The following NTM variants were observed in gnomAD, a reference collection of about 807,000 sequenced individuals.
NTM encodes the protein IgLON family member 2.
Under a neutral mutation model 42.1 loss-of-function variants are expected in NTM, and 13 were observed. The ratio of observed to expected loss-of-function variants is 0.31; its 90% CI spans 0.20 to 0.49. NTM has a LOEUF of 0.49. Among genes scored for constraint, NTM ranks in the 20% least tolerant of loss-of-function variants. The probability of loss-of-function intolerance (pLI) is 0.99; values close to 1 mark genes in which losing one functional copy is unlikely to be tolerated. For synonymous variants in NTM, 187 were observed against 179.2 expected (o/e 1.04, Z -0.35); for missense variants, 373 against 452.8 (o/e 0.82, Z 1.60).
intron 4 of NTM, among the ~76,000 whole-genome samples, chr11:132,218,763 A>G (rs540678667): frequency 6.6e-6 from 1 of 152,292 alleles, no homozygotes; most frequent in African/African-American, 2.4e-5. Context: ...CTTCTGCTTC[A>G]GGACCAGAAC....
intron 1 of NTM, chr11:131,911,328 G>C: frequency 6.8e-7 from 1 of 1,477,520 alleles, no homozygotes; most frequent in Non-Finnish European, 9.0e-7. Flanking sequence ...ACTCGGAGGA[G>C]TCTGCGCGCT....
intron 3 of NTM, among the ~76,000 whole-genome samples, chr11:132,201,886 A>G (rs778411733): frequency 7.2e-5 from 11 of 152,234 alleles, no homozygotes; most frequent in Non-Finnish European, 1.3e-4. Context: ...CTTCGAGCAC[A>G]TCATTAGCAG....
rs535271684 is a variant in NTM, at chr11:131,551,149, G to A, written c.82+180261G>A. On this transcript the variant is annotated intron_variant, in intron 1 of 8. Coordinates refer to ENST00000683400, the MANE Select transcript of NTM (RefSeq NM_001352005.2). The stretch of plus-strand genomic sequence containing the variant: ...GCCTCTGCAGTAGCAGGGACCACAG[G>A]TGTGACACTGGTCCCAGCTCAGCCC... Among the ~76,000 whole-genome samples the A allele has an allele frequency of 1.2e-3, 186 of 152,336 alleles. 1 individual carries two copies. The highest frequency in any genetic ancestry group is 4.4e-3 in the African/African-American group (183 of 41,584).
chr11:131,820,442 TTAAATATGTATTATGAAA>T, intron 1 of NTM, among the ~76,000 whole-genome samples: 1 of 152,340 alleles, frequency 6.6e-6, no homozygotes, highest in South Asian at 2.1e-4. Context: ...CTTTTCATTT[TTAAATATGTATTATGAAA>T]TAAATATGTA....
chr11:131,434,708 G>T (rs967304517), intron 1 of NTM, among the ~76,000 whole-genome samples: 3 of 152,186 alleles, frequency 2.0e-5, no homozygotes, highest in Non-Finnish European at 2.9e-5. Flanking sequence ...CAGATGGTTA[G>T]ATTGCAAAAA....
intron 3 of NTM, among the ~76,000 whole-genome samples, chr11:132,190,327 A>C (rs1439436508): frequency 6.6e-6 from 1 of 152,180 alleles, no homozygotes; most frequent in Non-Finnish European, 1.5e-5. Context: ...GAGAAGGGGA[A>C]ATTTGAAATG....
chr11:131,448,380 C>T (rs535647563), intron 1 of NTM, among the ~76,000 whole-genome samples: 38 of 152,364 alleles, frequency 2.5e-4, no homozygotes, highest in Non-Finnish European at 4.7e-4. Context: ...CCCACACAGG[C>T]CAGCCTCCTG....
chr11:132,199,722 T>C lies in NTM; in HGVS notation c.401-12300T>C, dbSNP rs183456038. ...AATTCCCAACTTGCCCTTTTTGATA[T>C]AAAGTTCACTTGTAATTTTTTTTTT... On this transcript the variant is annotated intron_variant, in intron 3 of 8. Transcript: ENST00000683400. Among the ~76,000 whole-genome samples the C allele has an allele frequency of 1.4e-3, 215 of 151,668 alleles. 2 individuals are homozygous for C. Among genetic ancestry groups the C allele is most frequent in the Admixed American group, 0.011 (160 of 15,236 alleles).
At chr11:132,316,001 C>A (rs1333247538) in intron 7 of NTM, among the ~76,000 whole-genome samples, 8 of 151,882 alleles carry the variant, frequency 5.3e-5, no homozygotes, top group Admixed American at 4.6e-4. Context: ...AAGGAACAGA[C>A]CCCTCCTTCC....
At chr11:131,399,057 C>G (rs1035327530) in intron 1 of NTM, among the ~76,000 whole-genome samples, 3 of 152,186 alleles carry the variant, frequency 2.0e-5, no homozygotes, top group Admixed American at 2.0e-4. Context: ...AAACAGTGCA[C>G]TTGGAGAGAA....
intron 2 of NTM, among the ~76,000 whole-genome samples, chr11:132,144,595 T>C (rs111383382): frequency 3.9e-4 from 60 of 152,336 alleles, no homozygotes; most frequent in African/African-American, 1.4e-3. Flanking sequence ...GAGATGTTGT[T>C]ATAAATTCCC....
chr11:131,545,893 C>A (rs953572634), intron 1 of NTM, among the ~76,000 whole-genome samples: 1 of 152,112 alleles, frequency 6.6e-6, no homozygotes, highest in Non-Finnish European at 1.5e-5. Flanking sequence ...CATTATCTAA[C>A]CTGGCTGGGA....
intron 1 of NTM, among the ~76,000 whole-genome samples, chr11:131,845,296 A>G (rs2044755345): frequency 6.6e-6 from 1 of 152,196 alleles, no homozygotes; most frequent in South Asian, 2.1e-4. Context: ...TGGCTCAAGG[A>G]GAATACCTCA....
At chr11:131,956,527 A>G (rs995283575) in intron 2 of NTM, among the ~76,000 whole-genome samples, 5 of 151,072 alleles carry the variant, frequency 3.3e-5, no homozygotes, top group African/African-American at 1.2e-4. Flanking sequence ...GCTCTTAAGA[A>G]TGCAGGAAGC....
At chr11:131,404,454 G>A (rs962281171) in intron 1 of NTM, among the ~76,000 whole-genome samples, 1 of 152,062 alleles carries the variant, frequency 6.6e-6, no homozygotes, top group Admixed American at 6.6e-5. Context: ...TCTGTATGCT[G>A]GGTCTGCAAG....
At chr11:131,703,558 A>G (rs2076280888) in intron 1 of NTM, among the ~76,000 whole-genome samples, 1 of 152,230 alleles carries the variant, frequency 6.6e-6, no homozygotes, top group Admixed American at 6.5e-5. Flanking sequence ...ACCAGATGGC[A>G]GAACAGGAAA....
intron 1 of NTM, among the ~76,000 whole-genome samples, chr11:131,618,171 G>A (rs1253334771): frequency 1.3e-5 from 2 of 152,172 alleles, no homozygotes; most frequent in African/African-American, 4.8e-5. Context: ...TATAACTCTG[G>A]TTACAGCAGA....
At chr11:132,324,508 C>A (rs1474059085) in intron 7 of NTM, among the ~76,000 whole-genome samples, 1 of 151,548 alleles carries the variant, frequency 6.6e-6, no homozygotes, top group Non-Finnish European at 1.5e-5. Context: ...AACCACTGCT[C>A]AATGAAATCA....
At position 131,671,560 on chromosome 11, in the gene NTM, A is replaced by G. The variant is rs113295766; in HGVS notation, c.83-240004A>G. 8,120 of 980,584 alleles carry G rather than the reference A, an allele frequency of 8.3e-3. 518 individuals carry two copies. The African/African-American group carries it at 0.14, about 16-fold the overall frequency. 60.7% of individuals were successfully genotyped at this position (980,584 alleles called of 1,614,324 possible). A position where few individuals can be genotyped will look rare whatever the true frequency, so the allele number is the denominator to read the frequency against. On this transcript the variant is annotated intron_variant, in intron 1 of 8. Coordinates refer to ENST00000683400, the MANE Select transcript of NTM (RefSeq NM_001352005.2). ...GGGCTGGCAGGGCCTACCGGTGGCT[A>G]CCCTCACCCTCCTCTGGAGCCCACG...
Sources: allele counts gnomAD v4.1 joint callset (sites outside exome capture counted in the v4.1 genomes callset), GRCh38; gene constraint gnomAD v4.1.1; transcripts MANE v1.5; gene names NCBI Gene and HGNC (gene_info 2026-07-23, HGNC 2026-07-21).